Variants in MPDZ observed in about 807,000 individuals in gnomAD.
MPDZ encodes the protein multiple PDZ domain protein.
Under a neutral mutation model 239.1 loss-of-function variants are expected in MPDZ, and 234 were observed. The observed-to-expected ratio is 0.98, with a 90% CI of 0.88 to 1.09. MPDZ has a LOEUF of 1.09. Among genes scored for constraint, MPDZ ranks in the 50% least tolerant of loss-of-function variants. The pLI is 0.00. For missense variants in MPDZ, 3,175 were observed against 2,510.0 expected (o/e 1.26, Z -5.66); for synonymous variants, 1,048 against 881.3 (o/e 1.19, Z -3.35).
At chr9:13,237,825 CA>C (rs1964465274) in intron 3 of MPDZ, among the ~76,000 whole-genome samples, 1 of 152,066 alleles carries the variant, frequency 6.6e-6, no homozygotes, top group African/African-American at 2.4e-5. Flanking sequence ...CAACTGATAT[CA>C]GCAAGTATAA....
chr9:13,147,409 C>G, intron 26 of MPDZ, 139 bp downstream of exon 26: 1 of 611,190 alleles, frequency 1.6e-6, no homozygotes, highest in South Asian at 2.4e-5. Flanking sequence ...TCTGAGAAAG[C>G]AAAACAAACT....
intron 1 of MPDZ, among the ~76,000 whole-genome samples, chr9:13,259,893 G>A (rs1207107879): frequency 6.6e-6 from 1 of 152,054 alleles, no homozygotes. Context: ...GAGTACAGTG[G>A]CACAATCTCG....
At chr9:13,268,811 A>C (rs1052689925) in intron 1 of MPDZ, among the ~76,000 whole-genome samples, 1 of 152,238 alleles carries the variant, frequency 6.6e-6, no homozygotes, top group African/African-American at 2.4e-5. Flanking sequence ...GGAGCTAGGA[A>C]GGTAATGTTT....
At chr9:13,174,860 G>A (rs1952251019) in intron 21 of MPDZ, among the ~76,000 whole-genome samples, 1 of 152,114 alleles carries the variant, frequency 6.6e-6, no homozygotes, top group South Asian at 2.1e-4. Flanking sequence ...ACCATCAAAT[G>A]GAACAAAATC....
chr9:13,136,016 A>T, intron 31 of MPDZ, 76 bp downstream of exon 31: 3 of 968,600 alleles, frequency 3.1e-6, no homozygotes, highest in Non-Finnish European at 4.8e-6. Context: ...TCTAAGTGTT[A>T]TGTAATTGTT....
chr9:13,231,716 C>CA (rs35545413), intron 3 of MPDZ, among the ~76,000 whole-genome samples: 147,285 of 151,204 alleles, frequency 0.97, 71,837 homozygotes, highest in Middle Eastern at 1. Flanking sequence ...TTTTTTGTGA[C>CA]AAAAAAAGGC....
chr9:13,231,474 C>A (rs976279469), intron 3 of MPDZ, among the ~76,000 whole-genome samples: 1 of 151,880 alleles, frequency 6.6e-6, no homozygotes, highest in African/African-American at 2.4e-5. Flanking sequence ...GGTTGAAGCA[C>A]GAGAATCACT....
At chr9:13,194,750 C>A (rs972987899) in intron 13 of MPDZ, among the ~76,000 whole-genome samples, 2 of 152,110 alleles carry the variant, frequency 1.3e-5, no homozygotes, top group Admixed American at 1.3e-4. Context: ...CTGATGCCTA[C>A]AACAAAATGG....
chr9:13,134,046 C>T (rs537297567), intron 31 of MPDZ, 142 bp from the exon 32 acceptor site: 5 of 312,430 alleles, frequency 1.6e-5, no homozygotes, highest in Admixed American at 9.7e-5. Context: ...TACACTATTG[C>T]TATTTTAATA....
intron 10 of MPDZ, among the ~76,000 whole-genome samples, chr9:13,210,074 A>G (rs1278923537): frequency 7.6e-6 from 1 of 131,724 alleles, no homozygotes; most frequent in Admixed American, 7.2e-5. Flanking sequence ...GAGAAATTAC[A>G]AAAAAAAAAA....
intron 3 of MPDZ, among the ~76,000 whole-genome samples, chr9:13,238,985 T>C (rs1964742529): frequency 2.0e-5 from 3 of 152,202 alleles, no homozygotes; most frequent in Admixed American, 6.5e-5. Context: ...ACATGGCATA[T>C]ATTGATAGAT....
chr9:13,136,929 T>C (rs2132305187), intron 29 of MPDZ, 126 bp from the exon 30 acceptor site: 4 of 483,208 alleles, frequency 8.3e-6, no homozygotes, highest in East Asian at 7.0e-5. Flanking sequence ...AAATGTTATA[T>C]ATTTTCCTCC....
In MPDZ at chr9:13,192,214, C is replaced by A; in HGVS notation, c.1885G>T (p.Val629Leu). The A allele has an allele frequency of 6.2e-7, 1 of 1,610,176 alleles. No homozygotes were observed. The highest frequency in any genetic ancestry group is 1.1e-5 in the South Asian group (1 of 90,342). ...GGTGGCACAGTTCGACGACAGCACA[C>A]CATTGTCACTTCTATAGGCAGTTCT... Reference protein sequence around the residue: ...LKELPIEVTMVCCRRTVPPTT... With the variant: ...LKELPIEVTMLCCRRTVPPTT... The change falls in exon 15 of 47, where the codon GTG becomes TTG. Residue 629 changes from valine to leucine, a missense_variant. Physicochemically the swap from Val to Leu is conservative, Grantham distance 32. Coordinates refer to ENST00000319217, the MANE Select transcript of MPDZ (RefSeq NM_001378778.1).
At chr9:13,110,354 A>G (rs1006061446) in intron 44 of MPDZ, among the ~76,000 whole-genome samples, 13 of 152,168 alleles carry the variant, frequency 8.5e-5, no homozygotes, top group Non-Finnish European at 1.6e-4. Flanking sequence ...AATATAAGCC[A>G]CTTGCTAGCA....
intron 28 of MPDZ, among the ~76,000 whole-genome samples, chr9:13,139,455 T>C (rs1456952609): frequency 6.6e-6 from 1 of 152,296 alleles, no homozygotes; most frequent in South Asian, 2.1e-4. Flanking sequence ...TCTAATTGAA[T>C]GTTAGCAACC....
intron 22 of MPDZ, chr9:13,165,456 C>G (rs1950961285): frequency 6.5e-7 from 1 of 1,546,654 alleles, no homozygotes; most frequent in Non-Finnish European, 8.7e-7. Flanking sequence ...ATGGTGTTAA[C>G]AAATGTCAAT....
At chr9:13,115,221 G>A (rs557688966) in intron 40 of MPDZ, 27 bp downstream of exon 40, 12 of 1,587,946 alleles carry the variant, frequency 7.6e-6, no homozygotes, top group Admixed American at 3.3e-5. Context: ...CGATTGCATC[G>A]CCCTGATGAA....
chr9:13,236,051 GATT>G (rs1425589556), intron 3 of MPDZ, among the ~76,000 whole-genome samples: 2 of 151,308 alleles, frequency 1.3e-5, no homozygotes, highest in East Asian at 3.9e-4. Flanking sequence ...GGAGTTAACA[GATT>G]ATTTTAATAT....
chr9:13,140,201 T>C, intron 27 of MPDZ, 52 bp from the exon 28 acceptor site: 1 of 1,550,526 alleles, frequency 6.4e-7, no homozygotes, highest in Non-Finnish European at 8.7e-7. Flanking sequence ...GGAAGAAAAC[T>C]TCAAGAAGAA....
Sources: allele counts gnomAD v4.1 joint callset (sites outside exome capture counted in the v4.1 genomes callset), GRCh38; gene constraint gnomAD v4.1.1; transcripts MANE v1.5; gene names NCBI Gene and HGNC (gene_info 2026-07-23, HGNC 2026-07-21).